HHAT: variants seen among roughly 807,000 people sequenced by gnomAD.
HHAT encodes protein-cysteine N-palmitoyltransferase HHAT.
HHAT carries 47 observed loss-of-function variants against 70.8 expected under a neutral mutation model. That is an observed-to-expected ratio of 0.66 (90% CI 0.53 to 0.85). HHAT has a LOEUF of 0.85. HHAT is among the 40% of genes least tolerant of loss of function. The pLI, the probability that HHAT is intolerant of heterozygous loss-of-function variation, is 0.00. For missense variants in HHAT, 609 were observed against 604.8 expected (o/e 1.01, Z -0.07); for synonymous variants, 228 against 247.6 (o/e 0.92, Z 0.74).
chr1:210,646,744 T>C (rs1468848385), intron 11 of HHAT, among the ~76,000 whole-genome samples: 1 of 152,230 alleles, frequency 6.6e-6, no homozygotes. Context: ...ACAATTTTAC[T>C]ACAGTATTAA....
At chr1:210,658,126 A>G (rs12057501) in intron 11 of HHAT, among the ~76,000 whole-genome samples, 6,637 of 152,260 alleles carry the variant, frequency 0.044, 249 homozygotes, top group African/African-American at 0.097. Flanking sequence ...AGGCAAGTTC[A>G]TAGGCTCTCA....
At chr1:210,409,660 T>A (rs2092459118) in intron 6 of HHAT, among the ~76,000 whole-genome samples, 1 of 152,236 alleles carries the variant, frequency 6.6e-6, no homozygotes, top group Non-Finnish European at 1.5e-5. Flanking sequence ...GGAGGGCTTT[T>A]GTTTGGTGCT....
At chr1:210,667,860 T>C (rs1558395754) in intron 11 of HHAT, among the ~76,000 whole-genome samples, 1 of 152,224 alleles carries the variant, frequency 6.6e-6, no homozygotes, top group Non-Finnish European at 1.5e-5. Flanking sequence ...TTTAACCATT[T>C]TTAGGTGGCA....
At chr1:210,332,347 A>G (rs905970355) in intron 1 of HHAT, among the ~76,000 whole-genome samples, 4 of 152,242 alleles carry the variant, frequency 2.6e-5, no homozygotes, top group African/African-American at 9.6e-5. Context: ...TGCACCTAAC[A>G]TCTTCATGTA....
intron 8 of HHAT, among the ~76,000 whole-genome samples, chr1:210,493,235 C>T (rs899903413): frequency 6.6e-6 from 1 of 152,010 alleles, no homozygotes; most frequent in African/African-American, 2.4e-5. Context: ...GTTGCACTCA[C>T]ATGTATGTAT....
chr1:210,440,191 C>T (rs1388874840), intron 7 of HHAT, among the ~76,000 whole-genome samples: 13 of 151,652 alleles, frequency 8.6e-5, no homozygotes, highest in African/African-American at 3.2e-4. Flanking sequence ...ACATCATGCC[C>T]TTAGTAGTTG....
At chr1:210,510,071 A>G (rs1008611691) in intron 8 of HHAT, among the ~76,000 whole-genome samples, 3 of 152,240 alleles carry the variant, frequency 2.0e-5, no homozygotes, top group Admixed American at 6.5e-5. Flanking sequence ...AATAAGAAAG[A>G]CATATTTTGC....
intron 9 of HHAT, among the ~76,000 whole-genome samples, chr1:210,580,812 A>G (rs1229684272): frequency 6.6e-6 from 1 of 152,106 alleles, no homozygotes; most frequent in East Asian, 1.9e-4. Flanking sequence ...TTATAGTAGA[A>G]TGATTTATAG....
intron 7 of HHAT, among the ~76,000 whole-genome samples, chr1:210,452,313 A>G (rs531319658): frequency 2.6e-4 from 40 of 152,212 alleles, no homozygotes; most frequent in Non-Finnish European, 4.6e-4. Flanking sequence ...CCCCCTGCAC[A>G]TGCATTCAAT....
chr1:210,440,414 A>G (rs1027776471), intron 7 of HHAT, among the ~76,000 whole-genome samples: 2 of 151,610 alleles, frequency 1.3e-5, no homozygotes, highest in African/African-American at 4.9e-5. Context: ...TGAGGAGGCT[A>G]AGCCTTTCTA....
At chr1:210,362,420 T>C (rs964066443) in intron 2 of HHAT, among the ~76,000 whole-genome samples, 1 of 152,038 alleles carries the variant, frequency 6.6e-6, no homozygotes, top group East Asian at 1.9e-4. Flanking sequence ...AGAGATGGGG[T>C]TTCACCACAT....
intron 8 of HHAT, among the ~76,000 whole-genome samples, chr1:210,470,938 G>A (rs2094193521): frequency 6.6e-6 from 1 of 152,284 alleles, no homozygotes; most frequent in African/African-American, 2.4e-5. Flanking sequence ...ACCTTTCATG[G>A]TAATAGTCAC....
In HHAT at chr1:210,513,150, C is replaced by T. The variant is rs1200615290; in HGVS notation, c.1008-3C>T. The stretch of plus-strand genomic sequence containing the variant: ...TATGCTTGTCTATGTCTCTTTTGAA[C>T]AGGTATTTTGATGTTGGACTGCATA... On this transcript the variant is annotated splice_polypyrimidine_tract_variant and splice_region_variant and intron_variant, in intron 8 of 11. Coordinates refer to ENST00000261458, the MANE Select transcript of HHAT (RefSeq NM_018194.6). 20 of 1,526,064 alleles carry T rather than the reference C, an allele frequency of 1.3e-5. No homozygotes were observed. Among genetic ancestry groups the T allele is most frequent in the Non-Finnish European group, 1.7e-5 (19 of 1,105,876 alleles). 94.5% of individuals were successfully genotyped at this position (1,526,064 alleles called of 1,614,324 possible).
At chr1:210,647,707 G>A (rs1674353508) in intron 11 of HHAT, among the ~76,000 whole-genome samples, 1 of 152,208 alleles carries the variant, frequency 6.6e-6, no homozygotes, top group Non-Finnish European at 1.5e-5. Context: ...GGGTAAATGT[G>A]AAACTATGTG....
chr1:210,475,008 A>G (rs2094281459), intron 8 of HHAT, among the ~76,000 whole-genome samples: 1 of 139,956 alleles, frequency 7.1e-6, no homozygotes, highest in Admixed American at 7.3e-5. Flanking sequence ...GGGCCACCAC[A>G]ACTAGCTATT....
chr1:210,546,531 C>A (rs947678018), intron 9 of HHAT, among the ~76,000 whole-genome samples: 6 of 152,090 alleles, frequency 3.9e-5, no homozygotes, highest in East Asian at 1.9e-4. Flanking sequence ...ATGGTTAGGT[C>A]CACCGGGAGG....
chr1:210,554,652 C>G (rs2255709), intron 9 of HHAT, among the ~76,000 whole-genome samples: 134,614 of 152,126 alleles, frequency 0.88, 60,147 homozygotes, highest in Non-Finnish European at 0.95. Context: ...AAGATCCTTT[C>G]AATGAGAAGG....
chr1:210,638,585 A>C (rs547563828), intron 11 of HHAT, among the ~76,000 whole-genome samples: 1 of 152,146 alleles, frequency 6.6e-6, no homozygotes, highest in East Asian at 1.9e-4. Context: ...GAAATATTCT[A>C]AAATTGAATA....
At chr1:210,546,240 G>A (rs1290278437) in intron 9 of HHAT, among the ~76,000 whole-genome samples, 4 of 152,186 alleles carry the variant, frequency 2.6e-5, no homozygotes, top group African/African-American at 9.7e-5. Flanking sequence ...ATACAAAGTG[G>A]CCCATAGTTT....
Sources: gnomAD v4.1 joint callset for allele counts (sites outside exome capture counted in the v4.1 genomes callset) on GRCh38, gnomAD v4.1.1 for gene constraint, MANE v1.5 for transcripts, NCBI Gene and HGNC (gene_info 2026-07-23, HGNC 2026-07-21) for gene names.